SORCS2: variants seen among roughly 807,000 people sequenced by gnomAD.
SORCS2 encodes sortilin related VPS10 domain containing receptor 2.
A neutral mutation model predicts 141.6 loss-of-function variants in SORCS2; 100 were observed. The observed-to-expected ratio is 0.71, with a 90% CI of 0.60 to 0.83. The LOEUF (loss-of-function observed/expected upper bound fraction) is 0.83, where lower values mean the gene tolerates loss of function less well. Ranked by LOEUF, SORCS2 falls within the 40% of genes least tolerant of loss-of-function variation. The pLI, the probability that SORCS2 is intolerant of heterozygous loss-of-function variation, is 0.00. For missense variants in SORCS2, 1,646 were observed against 1,560.2 expected (o/e 1.05, Z -0.93); for synonymous variants, 789 against 676.9 (o/e 1.17, Z -2.57).
At chr4:7,695,584 A>G (rs529478929) in intron 11 of SORCS2, among the ~76,000 whole-genome samples, 21 of 7,348 alleles carry the variant, frequency 2.9e-3, no homozygotes, top group East Asian at 7.1e-3. Context: ...GGATGGATGG[A>G]TTGGTGGGTG....
intron 2 of SORCS2, among the ~76,000 whole-genome samples, chr4:7,495,408 C>G (rs1440044848): frequency 6.6e-6 from 1 of 152,252 alleles, no homozygotes; most frequent in Non-Finnish European, 1.5e-5. Context: ...CTGCCTCCCC[C>G]ACCAGCTGTG....
chr4:7,709,336 C>T (rs1279212705), intron 14 of SORCS2, among the ~76,000 whole-genome samples: 1 of 152,196 alleles, frequency 6.6e-6, no homozygotes, highest in Non-Finnish European at 1.5e-5. Context: ...CTGCAGGGTG[C>T]CAAGCCCTTC....
intron 1 of SORCS2, among the ~76,000 whole-genome samples, chr4:7,206,903 T>C (rs2108873670): frequency 6.6e-6 from 1 of 152,204 alleles, no homozygotes; most frequent in Non-Finnish European, 1.5e-5. Flanking sequence ...GACAAATGAC[T>C]CTGGGGTAGG....
intron 1 of SORCS2, among the ~76,000 whole-genome samples, chr4:7,222,307 G>T (rs533433139): frequency 1.3e-5 from 2 of 152,264 alleles, no homozygotes; most frequent in East Asian, 3.9e-4. Context: ...ATTCAGCCAT[G>T]GACAGGAATG....
At chr4:7,650,712 C>T (rs1721380788) in intron 4 of SORCS2, among the ~76,000 whole-genome samples, 1 of 103,880 alleles carries the variant, frequency 9.6e-6, no homozygotes, top group Non-Finnish European at 2.0e-5. Context: ...CTCCAGCCCT[C>T]TCTCCCCGCC....
At chr4:7,689,320 G>C (rs1475849663) in intron 10 of SORCS2, among the ~76,000 whole-genome samples, 166 bp from the exon 11 acceptor site, 2 of 152,136 alleles carry the variant, frequency 1.3e-5, no homozygotes, top group Non-Finnish European at 2.9e-5. Flanking sequence ...TTTCCCTAAA[G>C]GTCAGCCTCA....
intron 3 of SORCS2, among the ~76,000 whole-genome samples, chr4:7,548,932 G>T (rs1713475890): frequency 1.3e-5 from 2 of 152,180 alleles, no homozygotes. Flanking sequence ...GAGCCAAGAT[G>T]CCCCATTCCC....
In SORCS2 at chr4:7,241,904, C is replaced by T. The variant is rs78004057; in HGVS notation, c.480+48778C>T. ...AGGCTGTTTAGCTGACGGTGTTGAG[C>T]GTCTACTCCGTGCCTGGCAGTGGGA... On this transcript the variant is annotated intron_variant, in intron 1 of 26. Transcript: ENST00000507866. 9.0e-3 allele frequency among the ~76,000 whole-genome samples: 1,374 copies of T among 152,266 alleles called. 5 individuals are homozygous for T. Among genetic ancestry groups the T allele is most frequent in the Non-Finnish European group, 0.015 (1,037 of 68,020 alleles).
intron 2 of SORCS2, among the ~76,000 whole-genome samples, chr4:7,479,717 C>T (rs1460134910): frequency 6.6e-6 from 1 of 152,192 alleles, no homozygotes; most frequent in Non-Finnish European, 1.5e-5. Flanking sequence ...GGGACAGGCC[C>T]CAGGACGCTG....
At chr4:7,211,214 G>A (rs1728040419) in intron 1 of SORCS2, among the ~76,000 whole-genome samples, 1 of 85,252 alleles carries the variant, frequency 1.2e-5, no homozygotes, top group Non-Finnish European at 2.3e-5. Context: ...GGGAGGAGCA[G>A]GAGAGCGGGA....
chr4:7,458,096 C>T (rs1290964793), intron 2 of SORCS2, among the ~76,000 whole-genome samples: 1 of 152,166 alleles, frequency 6.6e-6, no homozygotes, highest in Non-Finnish European at 1.5e-5. Context: ...ATAGGTGACA[C>T]AGTACTTCTG....
chr4:7,722,875 G>C (rs897032067), intron 18 of SORCS2, among the ~76,000 whole-genome samples: 6 of 152,172 alleles, frequency 3.9e-5, no homozygotes, highest in Non-Finnish European at 8.8e-5. Flanking sequence ...TAAGTGGTTA[G>C]TAATCACGCT....
intron 3 of SORCS2, among the ~76,000 whole-genome samples, chr4:7,566,253 A>G (rs1343442183): frequency 6.7e-6 from 1 of 149,326 alleles, no homozygotes; most frequent in Non-Finnish European, 1.5e-5. Flanking sequence ...GGTGATGGTG[A>G]TGATAGTGAT....
chr4:7,535,660 C>T (rs780372136), intron 3 of SORCS2, among the ~76,000 whole-genome samples: 1 of 152,256 alleles, frequency 6.6e-6, no homozygotes, highest in Non-Finnish European at 1.5e-5. Context: ...TAGAGGGAAA[C>T]ACTGACGCCC....
intron 1 of SORCS2, among the ~76,000 whole-genome samples, chr4:7,334,748 G>A (rs755547550): frequency 2.6e-5 from 4 of 152,258 alleles, no homozygotes; most frequent in East Asian, 1.9e-4. Context: ...AGGTTGCCAC[G>A]GACAAAGTGC....
chr4:7,291,674 A>G (rs552318258), intron 1 of SORCS2, among the ~76,000 whole-genome samples: 1 of 152,318 alleles, frequency 6.6e-6, no homozygotes, highest in Non-Finnish European at 1.5e-5. Flanking sequence ...TCTCCGAGAC[A>G]GGAGAAACCA....
intron 2 of SORCS2, among the ~76,000 whole-genome samples, chr4:7,526,760 A>G (rs1468368552): frequency 6.6e-6 from 1 of 152,156 alleles, no homozygotes; most frequent in Non-Finnish European, 1.5e-5. Flanking sequence ...CCGAAGGTGT[A>G]TGGGGATGCT....
chr4:7,734,760 C>T (rs190367570), intron 25 of SORCS2, among the ~76,000 whole-genome samples: 1 of 152,326 alleles, frequency 6.6e-6, no homozygotes, highest in East Asian at 1.9e-4. Flanking sequence ...AGCCTCAGAA[C>T]TGGGACCTGA....
intron 2 of SORCS2, among the ~76,000 whole-genome samples, chr4:7,403,981 ATATATATATATATATATTTTTTT>A (rs1361815142): frequency 0.038 from 638 of 16,836 alleles, 22 homozygotes; most frequent in African/African-American, 0.13. Context: ...ATATATATAT[ATATATATATATATATATTTTTTT>A]TTTTTTTTTA....
Sources: allele counts gnomAD v4.1 joint callset (sites outside exome capture counted in the v4.1 genomes callset), GRCh38; gene constraint gnomAD v4.1.1; transcripts MANE v1.5; gene names NCBI Gene and HGNC (gene_info 2026-07-23, HGNC 2026-07-21).